Variants in HERC4 observed in about 807,000 individuals in gnomAD.
HERC4 encodes HECT and RLD domain containing E3 ubiquitin protein ligase 4.
Under a neutral mutation model 124.3 loss-of-function variants are expected in HERC4, and 28 were observed. That is an observed-to-expected ratio of 0.23 (90% CI 0.17 to 0.31). The LOEUF (loss-of-function observed/expected upper bound fraction) is 0.31. Among genes scored for constraint, HERC4 ranks in the 10% least tolerant of loss-of-function variants. The probability of loss-of-function intolerance (pLI) is 1.00; values close to 1 mark genes in which losing one functional copy is unlikely to be tolerated. For synonymous variants in HERC4, 407 were observed against 421.5 expected (o/e 0.97, Z 0.42); for missense variants, 713 against 1,229.3 (o/e 0.58, Z 6.28).
At chr10:67,932,961 T>A (rs1564920309) in intron 22 of HERC4, among the ~76,000 whole-genome samples, 181 bp from the exon 23 acceptor site, 1 of 152,202 alleles carries the variant, frequency 6.6e-6, no homozygotes, top group East Asian at 1.9e-4. Context: ...CTATTATTCT[T>A]TCTATATAAA....
chr10:68,016,655 AAG>A (rs2038288865), intron 8 of HERC4, among the ~76,000 whole-genome samples: 1 of 152,064 alleles, frequency 6.6e-6, no homozygotes, highest in African/African-American at 2.4e-5. Flanking sequence ...CCGGCCCAAT[AAG>A]ATGTCTTATA....
chr10:67,928,766 T>C (rs1564913474), intron 23 of HERC4, among the ~76,000 whole-genome samples: 1 of 151,660 alleles, frequency 6.6e-6, no homozygotes, highest in Non-Finnish European at 1.5e-5. Context: ...ACTAAAAAAA[T>C]AAAAAAATCA....
chr10:67,937,230 A>T (rs1263647370), intron 21 of HERC4, among the ~76,000 whole-genome samples: 3 of 151,896 alleles, frequency 2.0e-5, no homozygotes, highest in African/African-American at 7.3e-5. Context: ...AAGGTATATT[A>T]AAAAAAATAC....
intron 3 of HERC4, chr10:68,068,300 CATGGTG>C (rs2041396258): frequency 6.6e-6 from 1 of 152,120 alleles, no homozygotes; most frequent in Non-Finnish European, 1.5e-5. Context: ...CCCTGGCCAA[CATGGTG>C]AAACCCTGTC....
intron 8 of HERC4, among the ~76,000 whole-genome samples, chr10:68,020,015 C>T (rs985845046): frequency 7.2e-5 from 11 of 152,076 alleles, no homozygotes; most frequent in Admixed American, 3.3e-4. Context: ...CTTTGGGGAG[C>T]CAGGCATTTA....
chr10:67,927,447 G>T (rs1173840483), intron 23 of HERC4, among the ~76,000 whole-genome samples: 95 of 63,586 alleles, frequency 1.5e-3, no homozygotes, highest in East Asian at 7.1e-3. Flanking sequence ...TTTTTTTTTA[G>T]ATAGAGTCTT....
Position 68,038,119 on chromosome 10 carries a change from T to C in HERC4, c.437A>G (p.Tyr146Cys). The C allele has an allele frequency of 6.5e-7, 1 of 1,538,050 alleles. No homozygotes were observed. The highest frequency in any genetic ancestry group is 8.7e-7 in the Non-Finnish European group (1 of 1,146,122). Residue 146 changes from tyrosine to cysteine, a missense_variant, in exon 5 of 25, where the codon TAC becomes TGC. Transcript: ENST00000373700. The stretch of plus-strand genomic sequence containing the variant: ...TTTAGAAAGTGCAAGTGAATGATAG[T>C]AACCACAAGCAACCTGTACAATCTG... ...DIQIVQVACG[Y>C]YHSLALSKAS...
chr10:68,051,845 A>T (rs1183211236), intron 3 of HERC4, among the ~76,000 whole-genome samples: 1 of 150,094 alleles, frequency 6.7e-6, no homozygotes, highest in Non-Finnish European at 1.5e-5. Context: ...AATTTTTTGT[A>T]TTTTTTAGAG....
intron 3 of HERC4, among the ~76,000 whole-genome samples, chr10:68,064,408 G>T (rs1305859902): frequency 6.6e-6 from 1 of 151,468 alleles, no homozygotes; most frequent in Non-Finnish European, 1.5e-5. Context: ...ACAAAAATTA[G>T]CCAAGTGTGG....
In HERC4 at chr10:67,991,219, T is replaced by C; in HGVS notation, c.1272-20A>G. The C allele has an allele frequency of 7.1e-7, 1 of 1,412,304 alleles. No individual in the cohort carries two copies. The highest frequency in any genetic ancestry group is 9.6e-7 in the Non-Finnish European group (1 of 1,042,278). 87.5% of individuals were successfully genotyped at this position (1,412,304 alleles called of 1,614,324 possible). ...ATCTCACTAAAAAATTTAAAAAAGT[T>C]TTTTTAATCATAGAATCAGAAATTT... is the stretch of plus-strand genomic sequence containing the variant. On this transcript the variant is annotated intron_variant, in intron 11 of 24. Coordinates refer to ENST00000373700, the MANE Select transcript of HERC4 (RefSeq NM_015601.4).
chr10:67,987,266 A>C (rs1379375315), intron 15 of HERC4, among the ~76,000 whole-genome samples: 2 of 152,160 alleles, frequency 1.3e-5, no homozygotes, highest in African/African-American at 4.8e-5. Flanking sequence ...AAAAATGTTC[A>C]ATTTCCCCCG....
intron 8 of HERC4, among the ~76,000 whole-genome samples, chr10:68,018,900 C>CTT (rs34948748): frequency 0.082 from 7,656 of 93,062 alleles, 525 homozygotes; most frequent in East Asian, 0.32. Flanking sequence ...CCCCACAAGG[C>CTT]TTTTTTTTTT....
At chr10:68,059,488 T>TTATATTATA (rs1554830099) in intron 3 of HERC4, among the ~76,000 whole-genome samples, 9 of 121,542 alleles carry the variant, frequency 7.4e-5, no homozygotes, top group East Asian at 4.7e-4. Flanking sequence ...ATATTATATA[T>TTATATTATA]TATAACATTA....
chr10:67,982,660 A>C (rs1286760731), intron 15 of HERC4, among the ~76,000 whole-genome samples: 2 of 152,186 alleles, frequency 1.3e-5, no homozygotes, highest in Non-Finnish European at 2.9e-5. Flanking sequence ...ACAGCAAAGG[A>C]AACAGTCAAC....
At chr10:68,020,807 T>C (rs1393375652) in intron 8 of HERC4, among the ~76,000 whole-genome samples, 1 of 146,158 alleles carries the variant, frequency 6.8e-6, no homozygotes, top group Non-Finnish European at 1.5e-5. Context: ...GAAAGTACAA[T>C]ACCTGAAATA....
intron 9 of HERC4, chr10:67,993,562 A>T (rs1293026675): frequency 6.6e-6 from 1 of 152,060 alleles, no homozygotes; most frequent in African/African-American, 2.4e-5. Flanking sequence ...GAAACAGCAA[A>T]CAAAAATTAA....
intron 14 of HERC4, among the ~76,000 whole-genome samples, chr10:67,989,432 G>C (rs2036435778): frequency 6.6e-6 from 1 of 151,918 alleles, no homozygotes; most frequent in Non-Finnish European, 1.5e-5. Context: ...AAAAACTTCT[G>C]ACAACAGGAA....
intron 3 of HERC4, among the ~76,000 whole-genome samples, chr10:68,059,455 T>C (rs1340780961): frequency 1.6e-5 from 2 of 123,270 alleles, no homozygotes; most frequent in Non-Finnish European, 3.1e-5. Flanking sequence ...ATATTATATA[T>C]TATAATAATA....
At position 68,033,978 on chromosome 10, in the gene HERC4, A is replaced by G. The variant is rs1298994834; in HGVS notation, c.672T>C (p.Leu224=). ...WGRNKFGQLG[L]NDENDRYVPN... is the part of the protein sequence containing the mutation. ...ATGAGAACCTACCATTTTCATCATT[A>G]AGACCTAGCTGACCAAACTTGTTGC... Residue 224 remains leucine, a synonymous_variant, in exon 6 of 25, where the codon CTT becomes CTC. Coordinates refer to ENST00000373700, the MANE Select transcript of HERC4 (RefSeq NM_015601.4). The G allele has an allele frequency of 1.2e-6, 2 of 1,613,846 alleles. No homozygotes were observed. Among genetic ancestry groups the G allele is most frequent in the Non-Finnish European group, 1.7e-6 (2 of 1,179,846 alleles).
Sources: allele counts gnomAD v4.1 joint callset (sites outside exome capture counted in the v4.1 genomes callset), GRCh38; gene constraint gnomAD v4.1.1; transcripts MANE v1.5; gene names NCBI Gene and HGNC (gene_info 2026-07-23, HGNC 2026-07-21).